The following DAB2 variants were observed in gnomAD, a reference collection of about 807,000 sequenced individuals.
DAB2 encodes disabled homolog 2.
DAB2 carries 28 observed loss-of-function variants against 71.6 expected under a neutral mutation model. That is an observed-to-expected ratio of 0.39 (90% CI 0.29 to 0.54). The LOEUF is 0.54. Ranked by LOEUF, DAB2 falls within the 20% of genes least tolerant of loss-of-function variation. The pLI is 0.68. For missense variants in DAB2, 867 were observed against 928.8 expected, an observed-to-expected ratio of 0.93 and a Z score of 0.86; for synonymous variants, 345 against 339.7, an observed-to-expected ratio of 1.02 and a Z score of -0.17.
chr5:39,407,478 G>C (rs1755633185), intron 1 of DAB2, among the ~76,000 whole-genome samples: 1 of 152,206 alleles, frequency 6.6e-6, no homozygotes, highest in Non-Finnish European at 1.5e-5. Flanking sequence ...TGGGATTACA[G>C]GCGTGAGCCA....
At chr5:39,376,201 C>G in intron 12 of DAB2, 95 bp from the exon 13 acceptor site, 1 of 943,262 alleles carries the variant, frequency 1.1e-6, no homozygotes. Context: ...TAGTTCTATA[C>G]TTTTGAAATT....
chr5:39,382,359 G>C (rs1336022238), intron 10 of DAB2, among the ~76,000 whole-genome samples: 2 of 152,148 alleles, frequency 1.3e-5, no homozygotes, highest in Non-Finnish European at 2.9e-5. Context: ...CATTAAAAAT[G>C]GAAAAACTTG....
In DAB2 at chr5:39,377,186, C is replaced by T. The variant is rs1754854175; in HGVS notation, c.1601G>A (p.Gly534Asp). 2 of 1,614,120 alleles carry T rather than the reference C, an allele frequency of 1.2e-6. No individual in the cohort carries two copies. The highest frequency in any genetic ancestry group is 8.5e-7 in the Non-Finnish European group (1 of 1,180,010). Reference sequence around the variant, plus strand: ...CTGACTAAAACCTGAAGGTTGACCACCCATCATGGCTCCCGGAGCCATTGA... The same window carrying T: ...CTGACTAAAACCTGAAGGTTGACCATCCATCATGGCTCCCGGAGCCATTGA... The part of the protein sequence containing the change: ...SPSMAPGAMM[G>D]GQPSGFSQPV... Residue 534 changes from glycine to aspartate, a missense_variant, in exon 12 of 15, where the codon GGT becomes GAT. Physicochemically the swap from Gly to Asp is moderately conservative, Grantham distance 94. Coordinates refer to ENST00000320816, the MANE Select transcript of DAB2 (RefSeq NM_001343.4).
At chr5:39,419,575 G>A (rs1364775874) in intron 1 of DAB2, among the ~76,000 whole-genome samples, 2 of 152,144 alleles carry the variant, frequency 1.3e-5, no homozygotes, top group Non-Finnish European at 2.9e-5. Flanking sequence ...TTTATGGAGA[G>A]GACTTCATCT....
At chr5:39,399,313 A>G (rs1755445423) in intron 1 of DAB2, among the ~76,000 whole-genome samples, 1 of 152,226 alleles carries the variant, frequency 6.6e-6, no homozygotes, top group African/African-American at 2.4e-5. Flanking sequence ...TCAAAAACAT[A>G]TAAAAAGGCT....
chr5:39,374,116 A>G (rs1754762933), intron 14 of DAB2, among the ~76,000 whole-genome samples: 3 of 152,190 alleles, frequency 2.0e-5, no homozygotes, highest in African/African-American at 7.2e-5. Flanking sequence ...ATATCTATCT[A>G]TTAAAAATAA....
At chr5:39,407,461 A>C (rs1755632845) in intron 1 of DAB2, among the ~76,000 whole-genome samples, 1 of 152,160 alleles carries the variant, frequency 6.6e-6, no homozygotes, top group Non-Finnish European at 1.5e-5. Flanking sequence ...TCAGCCTCCC[A>C]AAGTGCTGGG....
At chr5:39,392,785 A>T (rs1038574429) in intron 3 of DAB2, among the ~76,000 whole-genome samples, 2 of 152,206 alleles carry the variant, frequency 1.3e-5, no homozygotes, top group African/African-American at 4.8e-5. Flanking sequence ...TTATTCAGTC[A>T]GTTTCACATA....
At chr5:39,416,946 T>C (rs745463803) in intron 1 of DAB2, among the ~76,000 whole-genome samples, 4 of 152,180 alleles carry the variant, frequency 2.6e-5, no homozygotes, top group Non-Finnish European at 5.9e-5. Context: ...TGAAGAAATA[T>C]AGGCTTTTCT....
At chr5:39,374,699 A>G (rs1754779003) in intron 14 of DAB2, 1 of 251,586 alleles carries the variant, frequency 4.0e-6, no homozygotes, top group South Asian at 6.5e-5. Flanking sequence ...GAAAGTAAAA[A>G]GGTTAGAAAC....
In DAB2 at chr5:39,376,878, A is replaced by G. The variant is rs780388388; in HGVS notation, c.1909T>C (p.Phe637Leu). The change falls in exon 12 of 15, where the codon TTC (phenylalanine) becomes CTC (leucine). Residue 637 changes from phenylalanine (F) to leucine (L), a missense_variant. Phe to Leu is a conservative substitution (Grantham distance 22, BLOSUM62 0). Coordinates refer to ENST00000320816, the MANE Select transcript of DAB2 (RefSeq NM_001343.4). ...TCCCCAAGTGGGTCTAAGGCAGTGA[A>G]GGCATCACTGGAGATGTCCTTGGGA... ...GPPKDISSDAFTALDPLGDKE... is the reference protein window; with the variant it reads ...GPPKDISSDALTALDPLGDKE... 6 of 1,614,022 alleles carry G rather than the reference A, an allele frequency of 3.7e-6. No homozygotes were observed. In the Admixed American group the frequency reaches 1.0e-4, roughly 27 times the overall value.
intron 11 of DAB2, among the ~76,000 whole-genome samples, chr5:39,378,514 C>A (rs1754884040): frequency 6.6e-6 from 1 of 152,196 alleles, no homozygotes; most frequent in African/African-American, 2.4e-5. Flanking sequence ...TGATGGAGCA[C>A]AAGATTATAT....
At chr5:39,396,524 G>A (rs1364461262) in intron 1 of DAB2, among the ~76,000 whole-genome samples, 8 of 152,192 alleles carry the variant, frequency 5.3e-5, no homozygotes, top group Non-Finnish European at 7.3e-5. Flanking sequence ...GTAGCTATGC[G>A]TATTTTCTTC....
chr5:39,376,642 T>C lies in DAB2; in HGVS notation c.2137+8A>G. 1 of 1,612,246 alleles carries C rather than the reference T, an allele frequency of 6.2e-7. No homozygotes were observed. Among genetic ancestry groups the C allele is most frequent in the Non-Finnish European group, 8.5e-7 (1 of 1,179,014 alleles). On this transcript the variant is annotated splice_region_variant and intron_variant, in intron 12 of 14. Coordinates refer to ENST00000320816, the MANE Select transcript of DAB2 (RefSeq NM_001343.4). ...TTGGAACAGTAGGCAGAGTGGTGAG[T>C]GGCTTACCATTGATCTTGTTCAATA...
intron 1 of DAB2, among the ~76,000 whole-genome samples, chr5:39,421,023 G>A (rs1414932313): frequency 6.6e-6 from 1 of 152,090 alleles, no homozygotes; most frequent in Non-Finnish European, 1.5e-5. Context: ...GACTTCAGGG[G>A]GAAGGATTGC....
At chr5:39,379,256 C>A (rs1271026972) in intron 11 of DAB2, among the ~76,000 whole-genome samples, 1 of 151,978 alleles carries the variant, frequency 6.6e-6, no homozygotes, top group East Asian at 1.9e-4. Context: ...GAGTTCAGAA[C>A]CAACCTGGCC....
rs369872996 is a variant in DAB2 at position 39,388,818 on chromosome 5, T to A, written c.605A>T (p.Gln202Leu). 1.4e-5 allele frequency: 23 copies of A among 1,613,410 alleles called. No individual in the cohort carries two copies. Among genetic ancestry groups the A allele is most frequent in the Non-Finnish European group, 1.9e-5 (22 of 1,179,500 alleles). The stretch of plus-strand genomic sequence containing the variant: ...ACATACCGATTTCAGTTTGTTAGTT[T>A]GGTCATCTAGAATCATTAGGGCCTC... ...GSEALMILDD[Q>L]TNKLKSGVDQ... Residue 202 changes from glutamine (Q) to leucine (L), a missense_variant, in exon 8 of 15, where the codon CAA becomes CTA. Gln to Leu is a moderately radical substitution (Grantham distance 113). Coordinates refer to ENST00000320816, the MANE Select transcript of DAB2 (RefSeq NM_001343.4).
At chr5:39,375,411 T>C (rs1052041702) in intron 13 of DAB2, among the ~76,000 whole-genome samples, 2 of 152,194 alleles carry the variant, frequency 1.3e-5, no homozygotes, top group African/African-American at 4.8e-5. Context: ...CTCAATTTTC[T>C]CCCGAAATGC....
At chr5:39,403,165 C>T (rs528504237) in intron 1 of DAB2, among the ~76,000 whole-genome samples, 3 of 152,042 alleles carry the variant, frequency 2.0e-5, no homozygotes, top group Non-Finnish European at 4.4e-5. Flanking sequence ...TAGACTTGAG[C>T]TGGAAGAAAA....
Sources: gnomAD v4.1 joint callset for allele counts (sites outside exome capture counted in the v4.1 genomes callset) on GRCh38, gnomAD v4.1.1 for gene constraint, MANE v1.5 for transcripts, NCBI Gene and HGNC (gene_info 2026-07-23, HGNC 2026-07-21) for gene names.